Variants in MTHFD1L observed in about 807,000 individuals in gnomAD.
MTHFD1L encodes monofunctional C1-tetrahydrofolate synthase, mitochondrial.
A neutral mutation model predicts 119.5 loss-of-function variants in MTHFD1L; 81 were observed. That is an observed-to-expected ratio of 0.68 (90% CI 0.57 to 0.82). MTHFD1L has a LOEUF of 0.82. Ranked by LOEUF, MTHFD1L falls within the 40% of genes least tolerant of loss-of-function variation. The pLI is 0.00. For missense variants in MTHFD1L, 1,125 were observed against 1,253.4 expected (o/e 0.90, Z 1.55); for synonymous variants, 430 against 475.2 (o/e 0.90, Z 1.24).
intron 7 of MTHFD1L, among the ~76,000 whole-genome samples, chr6:150,893,789 G>A (rs746031782): frequency 5.5e-4 from 84 of 152,322 alleles, no homozygotes; most frequent in Admixed American, 1.0e-3. Flanking sequence ...TTTCCAGTCC[G>A]GCACAACATT....
At chr6:151,075,314 G>A (rs372852370) in intron 26 of MTHFD1L, among the ~76,000 whole-genome samples, 68 of 152,144 alleles carry the variant, frequency 4.5e-4, no homozygotes, top group Admixed American at 1.8e-3. Context: ...ATGGAAAAGC[G>A]CTAATACTAA....
At chr6:150,879,632 T>TG (rs1300724687) in intron 4 of MTHFD1L, among the ~76,000 whole-genome samples, 3 of 147,558 alleles carry the variant, frequency 2.0e-5, no homozygotes, top group Non-Finnish European at 4.5e-5. Context: ...GTGTTTTTTT[T>TG]TTTTTTTTTT....
rs146760481 is a variant in MTHFD1L, at chr6:151,031,444, A to G, written c.2587-3049A>G. Among the ~76,000 whole-genome samples the G allele has an allele frequency of 2.6e-3, 403 of 152,322 alleles. 2 individuals carry two copies. The highest frequency in any genetic ancestry group is 9.2e-3 in the African/African-American group (384 of 41,586). On this transcript the variant is annotated intron_variant, in intron 24 of 27. Coordinates refer to ENST00000367321, the MANE Select transcript of MTHFD1L (RefSeq NM_015440.5). ...CCTGTCCTCTGAAGCTGCAGGTAGG[A>G]GCGCCCCAAGGGCATCTAGATGTCA... is the stretch of plus-strand genomic sequence containing the variant.
At position 150,974,502 on chromosome 6, in the gene MTHFD1L, T is replaced by C. The variant is rs552370615; in HGVS notation, c.2125+2444T>C. ...CATTAGTGAAGTACACCTTCATTGT[T>C]GTGCAACCAAGCTGCAGAACCGAAG... On this transcript the variant is annotated intron_variant, in intron 20 of 27. Coordinates refer to ENST00000367321, the MANE Select transcript of MTHFD1L (RefSeq NM_015440.5). 9.8e-5 allele frequency among the ~76,000 whole-genome samples: 15 copies of C among 152,326 alleles called. No individual in the cohort carries two copies. In the South Asian group the frequency reaches 2.9e-3, roughly 29 times the overall value.
At chr6:150,870,538 A>G (rs1779223226) in intron 1 of MTHFD1L, among the ~76,000 whole-genome samples, 1 of 152,174 alleles carries the variant, frequency 6.6e-6, no homozygotes, top group African/African-American at 2.4e-5. Flanking sequence ...CAAATTTTGT[A>G]GTTTCCCAGT....
Position 150,905,682 on chromosome 6 carries a change from A to G in MTHFD1L, c.813A>G (p.Ser271=), listed in dbSNP as rs752891468. Residue 271 remains serine (S), a synonymous_variant, in exon 8 of 28, where the codon TCA becomes TCG. Coordinates refer to ENST00000367321, the MANE Select transcript of MTHFD1L (RefSeq NM_015440.5). ...AGGCTGACATTGTGGTCCTAGGCTCACCTAAGCCAGAAGAGATTCCCCTTA... is the reference window on the plus strand; with the variant it reads ...AGGCTGACATTGTGGTCCTAGGCTCGCCTAAGCCAGAAGAGATTCCCCTTA... ...LHEADIVVLG[S]PKPEEIPLTW... is the part of the protein sequence containing the mutation. The G allele has an allele frequency of 1.2e-6, 2 of 1,613,950 alleles. No homozygotes were observed. Among genetic ancestry groups the G allele is most frequent in the African/African-American group, 1.3e-5 (1 of 74,916 alleles).
intron 26 of MTHFD1L, among the ~76,000 whole-genome samples, chr6:151,072,506 A>G (rs1226043113): frequency 2.6e-5 from 4 of 152,128 alleles, no homozygotes; most frequent in Non-Finnish European, 4.4e-5. Context: ...AGTACACAAT[A>G]TGGCCAGGTG....
rs1014529608 is a variant in MTHFD1L at position 150,877,791 on chromosome 6, C to T, written c.382C>T (p.His128Tyr). ...LAEEAGLNITHICLPPDSSEA... is the reference protein window; with the variant it reads ...LAEEAGLNITYICLPPDSSEA... ...TTTTCAGGCTGGTCTGAACATCACTCACATTTGCCTCCCTCCAGATAGCAG... is the reference window on the plus strand; with the variant it reads ...TTTTCAGGCTGGTCTGAACATCACTTACATTTGCCTCCCTCCAGATAGCAG... Residue 128 changes from histidine to tyrosine, a missense_variant, in exon 4 of 28, where the codon CAC (histidine) becomes TAC (tyrosine). His to Tyr is a moderately conservative substitution (Grantham distance 83). This residue lies in a region of MTHFD1L where 1,058 missense variants were observed against 1,151.2 expected (regional missense o/e 0.92). Transcript: ENST00000367321. 3.1e-6 allele frequency: 5 copies of T among 1,614,108 alleles called. No individual in the cohort carries two copies. The East Asian group carries it at 1.1e-4, about 36-fold the overall frequency.
chr6:150,918,575 A>G lies in MTHFD1L; in HGVS notation c.893-2A>G. 1 of 1,611,066 alleles carries G rather than the reference A, an allele frequency of 6.2e-7. No homozygotes were observed. On this transcript the variant is annotated splice_acceptor_variant, in intron 8 of 27. Coordinates refer to ENST00000367321, the MANE Select transcript of MTHFD1L (RefSeq NM_015440.5). LOFTEE classifies it high-confidence loss of function. ...CTTTTTTTTCCCTCCAATTTTTTAC[A>G]GGGAAGGTTGGGTGTGGCTCTCCAA...
At chr6:150,975,030 A>G (rs6906912) in intron 20 of MTHFD1L, among the ~76,000 whole-genome samples, 66,743 of 151,498 alleles carry the variant, frequency 0.44, 16,649 homozygotes, top group East Asian at 0.65. Flanking sequence ...GAGCCACCAC[A>G]CCCGGCTAGA....
At chr6:151,081,687 G>A (rs887198942) in intron 26 of MTHFD1L, among the ~76,000 whole-genome samples, 1 of 151,978 alleles carries the variant, frequency 6.6e-6, no homozygotes, top group Non-Finnish European at 1.5e-5. Flanking sequence ...TGATTTCCCT[G>A]TCTTATGTTT....
chr6:150,897,605 T>C (rs1784451092), intron 7 of MTHFD1L, among the ~76,000 whole-genome samples: 2 of 152,164 alleles, frequency 1.3e-5, no homozygotes, highest in Non-Finnish European at 2.9e-5. Context: ...CAACCACAAA[T>C]AAATCTTTGT....
Position 151,069,726 on chromosome 6 carries a change from C to CA in MTHFD1L, c.2848-22740dup, listed in dbSNP as rs1791747533. Among the ~76,000 whole-genome samples the CA allele has an allele frequency of 2.0e-5, 3 of 152,326 alleles. No individual in the cohort carries two copies. In the South Asian group the frequency reaches 6.2e-4, roughly 32 times the overall value. On this transcript the variant is annotated intron_variant, in intron 26 of 27. Coordinates refer to ENST00000367321, the MANE Select transcript of MTHFD1L (RefSeq NM_015440.5). ...CTGGTGGGATCTCTCTGGTGACCCT[C>CA]ATCTCAGAGCTCAGCGGTGCCTTTG... is the stretch of plus-strand genomic sequence containing the variant.
intron 6 of MTHFD1L, among the ~76,000 whole-genome samples, 193 bp downstream of exon 6, chr6:150,885,927 CT>C (rs1420679777): frequency 1.3e-5 from 2 of 152,000 alleles, no homozygotes; most frequent in African/African-American, 2.4e-5. Context: ...TTTTTCTCAT[CT>C]TTTGGGAGAT....
At chr6:151,092,134 G>A (rs987981653) in intron 26 of MTHFD1L, among the ~76,000 whole-genome samples, 1 of 152,084 alleles carries the variant, frequency 6.6e-6, no homozygotes, top group Admixed American at 6.5e-5. Context: ...CCTTCAACCT[G>A]ATGGGCTTGT....
rs140961677 is a variant in MTHFD1L, at chr6:150,941,728, G to C, written c.1441-2758G>C. 9.7e-3 allele frequency among the ~76,000 whole-genome samples: 1,479 copies of C among 152,214 alleles called. 12 individuals are homozygous for C. Among genetic ancestry groups the C allele is most frequent in the Middle Eastern group, 0.017 (5 of 294 alleles). ...TTGTTGAGGCAGAGAACAGGGGAGT[G>C]ATGGTATGAGGTTTGAACTGTGTGG... is the stretch of plus-strand genomic sequence containing the variant. On this transcript the variant is annotated intron_variant, in intron 13 of 27. Coordinates refer to ENST00000367321, the MANE Select transcript of MTHFD1L (RefSeq NM_015440.5).
intron 4 of MTHFD1L, among the ~76,000 whole-genome samples, chr6:150,878,078 C>T (rs1780759675): frequency 1.3e-5 from 2 of 152,226 alleles, no homozygotes; most frequent in African/African-American, 4.8e-5. Context: ...GCTGCGGTGG[C>T]AGCGTCATCT....
intron 1 of MTHFD1L, among the ~76,000 whole-genome samples, chr6:150,870,860 G>A (rs1324545405): frequency 1.3e-5 from 2 of 150,716 alleles, no homozygotes; most frequent in African/African-American, 2.4e-5. Flanking sequence ...GTGGGGAGGC[G>A]GAGGTTGTGG....
chr6:151,010,923 G>A (rs999336263), intron 21 of MTHFD1L, among the ~76,000 whole-genome samples: 5 of 152,312 alleles, frequency 3.3e-5, no homozygotes, highest in South Asian at 4.1e-4. Context: ...ATCATGAAAC[G>A]CTGTAAAGCA....
Sources: gnomAD v4.1 joint callset for allele counts (sites outside exome capture counted in the v4.1 genomes callset) on GRCh38, gnomAD v4.1.1 for gene constraint, gnomAD v4.1.1 regional missense constraint, MANE v1.5 for transcripts, NCBI Gene and HGNC (gene_info 2026-07-23, HGNC 2026-07-21) for gene names.